SETD5: variants seen among roughly 807,000 people sequenced by gnomAD.
SETD5 encodes histone-lysine N-methyltransferase SETD5.
In SETD5, 44 loss-of-function variants were observed where a neutral mutation model predicts 153.3. The ratio of observed to expected loss-of-function variants is 0.29; its 90% CI spans 0.23 to 0.37. The LOEUF (loss-of-function observed/expected upper bound fraction) is 0.37, where lower values mean the gene tolerates loss of function less well. SETD5 is among the 10% of genes least tolerant of loss of function. The pLI is 1.00. For synonymous variants in SETD5, 716 were observed against 645.2 expected (o/e 1.11, Z -1.66); for missense variants, 1,544 against 1,768.0 (o/e 0.87, Z 2.27).
Position 9,447,986 on chromosome 3 carries a change from A to G in SETD5, c.2083A>G (p.Lys695Glu), listed in dbSNP as rs763371227. 6.2e-7 allele frequency: 1 copy of G among 1,612,832 alleles called. No homozygotes were observed. The highest frequency in any genetic ancestry group is 8.5e-7 in the Non-Finnish European group (1 of 1,178,980). ...ATCCCATGTCAACCGTGCTGCATCTAAATACCCCAAAACCAAAAAGGTAAG... is the reference window on the plus strand; with the variant it reads ...ATCCCATGTCAACCGTGCTGCATCTGAATACCCCAAAACCAAAAAGGTAAG... ...TGSHVNRAAS[K>E]YPKTKKYLVT... Residue 695 changes from lysine (K) to glutamate (E), a missense_variant, in exon 15 of 23, where the codon AAA becomes GAA. Lys to Glu is a moderately conservative substitution (Grantham distance 56). This residue lies in a region of SETD5 where 782 missense variants were observed against 787.2 expected (regional missense o/e 0.99). Coordinates refer to ENST00000402198, the MANE Select transcript of SETD5 (RefSeq NM_001080517.3).
At chr3:9,405,403 G>T (rs56915664) in intron 1 of SETD5, among the ~76,000 whole-genome samples, 2 of 152,048 alleles carry the variant, frequency 1.3e-5, no homozygotes, top group African/African-American at 4.8e-5. Flanking sequence ...CTTAGTGGGG[G>T]TGAAATTAAT....
intron 1 of SETD5, among the ~76,000 whole-genome samples, chr3:9,401,262 A>G (rs961053803): frequency 6.6e-6 from 1 of 152,258 alleles, no homozygotes; most frequent in Admixed American, 6.5e-5. Context: ...GATTTCATGT[A>G]TACTGGCTGT....
At chr3:9,448,269 A>G (rs766671088) in intron 15 of SETD5, 119 bp from the exon 16 acceptor site, 10 of 1,439,722 alleles carry the variant, frequency 6.9e-6, no homozygotes, top group East Asian at 2.4e-5. Flanking sequence ...TAGTTGCTCA[A>G]TTCATTCTTA....
chr3:9,476,119 G>A lies in SETD5; in HGVS notation c.*28G>A, dbSNP rs377088655. 1.9e-4 allele frequency: 309 copies of A among 1,601,980 alleles called. No individual in the cohort carries two copies. The highest frequency in any genetic ancestry group is 2.4e-4 in the Non-Finnish European group (283 of 1,173,060). On this transcript the variant is annotated 3_prime_UTR_variant, in exon 23 of 23. Transcript: ENST00000402198. The stretch of plus-strand genomic sequence containing the variant: ...CTTCTGGATTTGGGCAAACAGAACT[G>A]AATGAGCCCATAGCTGCTTCCTTCC...
At chr3:9,419,545 G>A (rs908898171) in intron 1 of SETD5, among the ~76,000 whole-genome samples, 1 of 152,124 alleles carries the variant, frequency 6.6e-6, no homozygotes, top group African/African-American at 2.4e-5. Context: ...CAACCTGAGT[G>A]ACAGACCCTG....
intron 16 of SETD5, among the ~76,000 whole-genome samples, chr3:9,449,794 G>A (rs1201712871): frequency 1.3e-5 from 2 of 152,166 alleles, no homozygotes; most frequent in Admixed American, 6.5e-5. Flanking sequence ...TTTCCTAATT[G>A]CACATCTTAC....
chr3:9,422,522 A>G (rs569213117), intron 1 of SETD5, among the ~76,000 whole-genome samples: 2 of 152,356 alleles, frequency 1.3e-5, no homozygotes, highest in African/African-American at 4.8e-5. Flanking sequence ...GAAAATAAGT[A>G]TAAATTTTCA....
At chr3:9,410,542 A>G (rs1198941206) in intron 1 of SETD5, among the ~76,000 whole-genome samples, 3 of 152,098 alleles carry the variant, frequency 2.0e-5, no homozygotes, top group African/African-American at 4.8e-5. Flanking sequence ...TAAATGGTTA[A>G]TAAGTGAAAT....
intron 18 of SETD5, among the ~76,000 whole-genome samples, chr3:9,467,800 C>T (rs1473577272): frequency 6.6e-6 from 1 of 152,050 alleles, no homozygotes; most frequent in African/African-American, 2.4e-5. Flanking sequence ...AAGTCCTACC[C>T]TCTGTAGGAT....
In SETD5 at chr3:9,397,816, C is replaced by T. The variant is rs1279032772; in HGVS notation, c.-338C>T. On this transcript the variant is annotated 5_prime_UTR_variant, in exon 1 of 23. Coordinates refer to ENST00000402198, the MANE Select transcript of SETD5 (RefSeq NM_001080517.3). ...CCCTGCCCCCCCTCCCCGCCTTTGG[C>T]TCGCTCCGCCTTTCTGCCCCCCACC... 1.9e-4 allele frequency: 26 copies of T among 133,508 alleles called. No individual in the cohort carries two copies. In the South Asian group the frequency reaches 3.1e-3, roughly 16 times the overall value. 8.3% of individuals were successfully genotyped at this position (133,508 alleles called of 1,614,324 possible).
At chr3:9,464,021 G>A (rs1575569466) in intron 17 of SETD5, among the ~76,000 whole-genome samples, 1 of 152,096 alleles carries the variant, frequency 6.6e-6, no homozygotes, top group Non-Finnish European at 1.5e-5. Context: ...CCAGCTACTC[G>A]GGAGGCTGAG....
intron 19 of SETD5, among the ~76,000 whole-genome samples, chr3:9,472,761 C>T (rs991292755): frequency 4.0e-5 from 6 of 151,706 alleles, no homozygotes; most frequent in Non-Finnish European, 5.9e-5. Context: ...CCTCTCCCTG[C>T]TTCTTTCTCT....
intron 18 of SETD5, among the ~76,000 whole-genome samples, chr3:9,468,312 C>T (rs1414488644): frequency 6.6e-6 from 1 of 152,080 alleles, no homozygotes; most frequent in African/African-American, 2.4e-5. Flanking sequence ...TAAATGCTTT[C>T]AGAGATACCA....
chr3:9,415,708 G>GC (rs1394760495), intron 1 of SETD5, among the ~76,000 whole-genome samples: 1 of 151,762 alleles, frequency 6.6e-6, no homozygotes, highest in Non-Finnish European at 1.5e-5. Flanking sequence ...TCCCACCTCA[G>GC]CCTCTTAAAT....
Position 9,434,174 on chromosome 3 carries a change from A to T in SETD5, c.178-160A>T. The T allele has an allele frequency of 6.5e-7, 1 of 1,549,756 alleles. No individual in the cohort carries two copies. Among genetic ancestry groups the T allele is most frequent in the Non-Finnish European group, 8.7e-7 (1 of 1,146,440 alleles). On this transcript the variant is annotated intron_variant, in intron 4 of 22. Coordinates refer to ENST00000402198, the MANE Select transcript of SETD5 (RefSeq NM_001080517.3). The surrounding 1 kb of genome is among the most constrained non-coding windows in gnomAD (Gnocchi z 5.6). Reference sequence around the variant, plus strand: ...ATCACTTTCCTGGTTGAAGCCAAAAAACAAAGGGTACTACTTTCTTCTTTC... The same window carrying T: ...ATCACTTTCCTGGTTGAAGCCAAAATACAAAGGGTACTACTTTCTTCTTTC...
At chr3:9,445,824 A>G (rs2041872841) in intron 13 of SETD5, 84 bp downstream of exon 13, 4 of 905,784 alleles carry the variant, frequency 4.4e-6, no homozygotes, top group African/African-American at 1.7e-5. Context: ...TTGACTTTGT[A>G]TCATCTCATT....
intron 18 of SETD5, among the ~76,000 whole-genome samples, chr3:9,468,852 G>C (rs2044951573): frequency 6.6e-6 from 1 of 151,982 alleles, no homozygotes; most frequent in South Asian, 2.1e-4. Flanking sequence ...CCGTTTGGGG[G>C]AGGGGGTGGC....
intron 1 of SETD5, among the ~76,000 whole-genome samples, chr3:9,404,149 TAAAG>T (rs2125440726): frequency 6.6e-6 from 1 of 152,348 alleles, no homozygotes; most frequent in African/African-American, 2.4e-5. Context: ...AAACTAGCCT[TAAAG>T]TTTTCCCTTC....
intron 1 of SETD5, among the ~76,000 whole-genome samples, chr3:9,418,397 C>CA (rs2037864435): frequency 6.6e-6 from 1 of 152,266 alleles, no homozygotes; most frequent in African/African-American, 2.4e-5. Context: ...AAGGTTATGT[C>CA]AAAGGACAAC....
Sources: gnomAD v4.1 joint callset for allele counts (sites outside exome capture counted in the v4.1 genomes callset) on GRCh38, gnomAD v4.1.1 for gene constraint, gnomAD v4.1.1 regional missense constraint, Gnocchi (gnomAD v3.1) non-coding constraint, MANE v1.5 for transcripts, NCBI Gene and HGNC (gene_info 2026-07-23, HGNC 2026-07-21) for gene names.